Variants in CCDC88C observed in about 807,000 individuals in gnomAD.
CCDC88C encodes the protein protein Daple.
In CCDC88C, 131 loss-of-function variants were observed where a neutral mutation model predicts 198.8. That is an observed-to-expected ratio of 0.66 (90% confidence interval 0.57 to 0.76). The LOEUF is 0.76. Among genes scored for constraint, CCDC88C ranks in the 30% least tolerant of loss-of-function variants. The pLI is 0.00. For synonymous variants in CCDC88C, 1,166 were observed against 1,114.7 expected (o/e 1.05, Z -0.92); for missense variants, 2,553 against 2,631.6 (o/e 0.97, Z 0.65).
intron 3 of CCDC88C, chr14:91,380,001 T>G: frequency 1.5e-6 from 1 of 662,540 alleles, no homozygotes; most frequent in East Asian, 2.7e-5. Flanking sequence ...GAGCCCACCG[T>G]GAGAACCAAC....
intron 12 of CCDC88C, among the ~76,000 whole-genome samples, 194 bp from the exon 13 acceptor site, chr14:91,321,498 C>T (rs1892356214): frequency 6.6e-6 from 1 of 152,208 alleles, no homozygotes; most frequent in South Asian, 2.1e-4. Flanking sequence ...GCAGGCTTTG[C>T]TGGGGTCTGT....
At chr14:91,401,291 TTATA>T (rs1886179242) in intron 3 of CCDC88C, among the ~76,000 whole-genome samples, 1 of 112,392 alleles carries the variant, frequency 8.9e-6, no homozygotes, top group South Asian at 2.6e-4. Context: ...ATTATATACA[TTATA>T]TATTATAATG....
chr14:91,403,645 C>T lies in CCDC88C; in HGVS notation c.270+5014G>A, dbSNP rs188527320. Reference sequence around the variant, plus strand: ...TAATTTTAACAAAAGCCAGGCCAGACGCCGTGAGCCTTACAGGCTCGTGCC... The same window carrying T: ...TAATTTTAACAAAAGCCAGGCCAGATGCCGTGAGCCTTACAGGCTCGTGCC... On this transcript the variant is annotated intron_variant, in intron 3 of 29. Coordinates refer to ENST00000389857, the MANE Select transcript of CCDC88C (RefSeq NM_001080414.4). Among the ~76,000 whole-genome samples the T allele has an allele frequency of 3.2e-4, 49 of 152,370 alleles. No homozygotes were observed. The South Asian group carries it at 7.7e-3, about 24-fold the overall frequency.
intron 13 of CCDC88C, 97 bp downstream of exon 13, chr14:91,321,023 G>T: frequency 8.6e-7 from 1 of 1,163,926 alleles, no homozygotes; most frequent in Non-Finnish European, 1.2e-6. Flanking sequence ...GCTCTACCTG[G>T]CCCCCTCCTT....
rs200285250 is a variant in CCDC88C at position 91,324,780 on chromosome 14, G to A, written c.1341C>T (p.Asp447=). The A allele has an allele frequency of 3.4e-5, 54 of 1,610,536 alleles. No individual in the cohort carries two copies. Among genetic ancestry groups the A allele is most frequent in the African/African-American group, 5.3e-5 (4 of 75,062 alleles). ...TCCCCGGCACCAGGCGCTACCTACC[G>A]TCTGACAAGTCTGCGTTCTTGGACA... ...EQLSKNADLS[D]ASRKSFVFEL... Residue 447 remains aspartate, a splice_region_variant and synonymous_variant, in exon 12 of 30, where the codon GAC becomes GAT. Transcript: ENST00000389857.
At chr14:91,299,391 G>A (rs1365898697) in intron 21 of CCDC88C, among the ~76,000 whole-genome samples, 5 of 152,186 alleles carry the variant, frequency 3.3e-5, no homozygotes, top group African/African-American at 1.2e-4. Flanking sequence ...ATTCTGAAAG[G>A]GACATTTGTT....
Position 91,352,892 on chromosome 14 carries a change from T to C in CCDC88C, c.340+6750A>G, listed in dbSNP as rs542695293. 4.6e-5 allele frequency among the ~76,000 whole-genome samples: 7 copies of C among 152,244 alleles called. No individual in the cohort carries two copies. In the East Asian group the frequency reaches 9.7e-4, roughly 21 times the overall value. ...ATCTCTGCAGCAGGAGGACTGTTCC[T>C]CACAAGCCGGACTCTGAGCCTGTGC... On this transcript the variant is annotated intron_variant, in intron 4 of 29. Coordinates refer to ENST00000389857, the MANE Select transcript of CCDC88C (RefSeq NM_001080414.4). The surrounding 1 kb of genome is among the most constrained non-coding windows in gnomAD (Gnocchi z 4.2).
At chr14:91,281,978 T>C (rs1890217645) in intron 26 of CCDC88C, among the ~76,000 whole-genome samples, 1 of 152,210 alleles carries the variant, frequency 6.6e-6, no homozygotes, top group Non-Finnish European at 1.5e-5. Context: ...GCTGAATTCC[T>C]GGGGAATAAC....
chr14:91,314,447 C>T (rs955105101), intron 14 of CCDC88C, among the ~76,000 whole-genome samples: 1 of 152,196 alleles, frequency 6.6e-6, no homozygotes, highest in African/African-American at 2.4e-5. Context: ...GTAGCCGGGC[C>T]CTGCCCACCT....
intron 4 of CCDC88C, among the ~76,000 whole-genome samples, chr14:91,349,042 T>A (rs1309970355): frequency 1.3e-5 from 2 of 152,208 alleles, no homozygotes; most frequent in Admixed American, 6.5e-5. Flanking sequence ...TTTCCATAAA[T>A]CTACCAGATT....
intron 3 of CCDC88C, among the ~76,000 whole-genome samples, chr14:91,389,372 T>G (rs1885345192): frequency 6.6e-6 from 1 of 152,188 alleles, no homozygotes; most frequent in Non-Finnish European, 1.5e-5. Context: ...GAAGATGTGA[T>G]TCCAAGTTCA....
Position 91,300,424 on chromosome 14 carries a change from C to T in CCDC88C, c.3636-354G>A, listed in dbSNP as rs114919197. Among the ~76,000 whole-genome samples the T allele has an allele frequency of 4.6e-3, 698 of 152,336 alleles. 4 individuals are homozygous for T. Among genetic ancestry groups the T allele is most frequent in the African/African-American group, 0.016 (668 of 41,570 alleles). ...TCTCTTTTAGGGAATTATAAATACGCTACTAGGTAGTTCACTAAGCACAAA... is the reference window on the plus strand; with the variant it reads ...TCTCTTTTAGGGAATTATAAATACGTTACTAGGTAGTTCACTAAGCACAAA... On this transcript the variant is annotated intron_variant, in intron 20 of 29. Coordinates refer to ENST00000389857, the MANE Select transcript of CCDC88C (RefSeq NM_001080414.4).
rs150767119 is a variant in CCDC88C at position 91,407,083 on chromosome 14, GC to G, written c.270+1575del. Among the ~76,000 whole-genome samples the G allele has an allele frequency of 3.2e-3, 482 of 151,756 alleles. 1 individual carries two copies. Among genetic ancestry groups the G allele is most frequent in the African/African-American group, 0.011 (456 of 41,416 alleles). On this transcript the variant is annotated intron_variant, in intron 3 of 29. Transcript: ENST00000389857. ...TGGCCCACACAGGCAAACTACGCCA[GC>G]CCCCCCCACCCAACAGGAGGAGGAC...
chr14:91,377,474 C>T (rs549887807), intron 3 of CCDC88C, among the ~76,000 whole-genome samples: 30 of 152,238 alleles, frequency 2.0e-4, no homozygotes, highest in African/African-American at 7.0e-4. Context: ...CCCCGGCCAC[C>T]CGAGCATGGG....
Position 91,390,071 on chromosome 14 carries a change from C to CA in CCDC88C, c.270+18587dup, listed in dbSNP as rs35873611. On this transcript the variant is annotated intron_variant, in intron 3 of 29. Transcript: ENST00000389857. ...TGGGCGACAGGGTGAGACTCTGTTTCAAAAAAAAAGAAAAAGAAAAAGGAT... is the reference window on the plus strand; with the variant it reads ...TGGGCGACAGGGTGAGACTCTGTTTCAAAAAAAAAAGAAAAAGAAAAAGGAT... 4.1e-3 allele frequency among the ~76,000 whole-genome samples: 479 copies of CA among 117,846 alleles called. 4 individuals carry two copies. The highest frequency in any genetic ancestry group is 0.014 in the African/African-American group (442 of 31,308). 77.3% of individuals were successfully genotyped at this position (117,846 alleles called of 152,430 possible).
intron 13 of CCDC88C, among the ~76,000 whole-genome samples, chr14:91,319,614 G>A (rs1892259285): frequency 6.6e-6 from 1 of 152,186 alleles, no homozygotes; most frequent in South Asian, 2.1e-4. Flanking sequence ...TCTTCTCCCT[G>A]GGTCCCTATT....
intron 3 of CCDC88C, among the ~76,000 whole-genome samples, chr14:91,368,069 G>A (rs566158792): frequency 6.6e-6 from 1 of 152,332 alleles, no homozygotes; most frequent in South Asian, 2.1e-4. Context: ...AATAGTGACA[G>A]TTGGGAAAAT....
Position 91,283,446 on chromosome 14 carries a change from C to T in CCDC88C, c.4513G>A (p.Asp1505Asn), listed in dbSNP as rs767457119. Residue 1505 changes from aspartate to asparagine, a missense_variant, in exon 26 of 30, where the codon GAT (aspartate) becomes AAT (asparagine). Asp to Asn is a conservative substitution (Grantham distance 23, BLOSUM62 1). This residue lies in a region of CCDC88C where 1,293 missense variants were observed against 1,219.6 expected (regional missense o/e 1.06). Transcript: ENST00000389857. The stretch of plus-strand genomic sequence containing the variant: ...GAGGGCCAGGACCTCATGGCCAGAT[C>T]GGTGGAGGCATCTGTGCGGTCAAGG... Reference protein sequence around the residue: ...GSLDRTDASTDLAMRSWPSEL... With the variant: ...GSLDRTDASTNLAMRSWPSEL... 36 of 1,613,166 alleles carry T rather than the reference C, an allele frequency of 2.2e-5. No individual in the cohort carries two copies. The highest frequency in any genetic ancestry group is 2.7e-5 in the Non-Finnish European group (32 of 1,179,664).
chr14:91,348,771 ACT>A (rs943338815), intron 4 of CCDC88C, among the ~76,000 whole-genome samples: 5 of 152,122 alleles, frequency 3.3e-5, no homozygotes, highest in African/African-American at 1.2e-4. Flanking sequence ...AAAAAAATAA[ACT>A]CTTTGGTGAT....
Sources: allele counts gnomAD v4.1 joint callset (sites outside exome capture counted in the v4.1 genomes callset), GRCh38; gene constraint gnomAD v4.1.1; regional missense constraint gnomAD v4.1.1; non-coding constraint Gnocchi (gnomAD v3.1); transcripts MANE v1.5; gene names NCBI Gene and HGNC (gene_info 2026-07-23, HGNC 2026-07-21).